The following OLFML2B variants were observed in gnomAD, a reference collection of about 807,000 sequenced individuals.
OLFML2B encodes the protein olfactomedin like 2B, also known as olfactomedin-like protein 2B.
A neutral mutation model predicts 74.9 loss-of-function variants in OLFML2B; 57 were observed. The observed-to-expected ratio is 0.76, with a 90% CI of 0.61 to 0.95. The LOEUF is 0.95. Among genes scored for constraint, OLFML2B ranks in the 40% least tolerant of loss-of-function variants. OLFML2B has a pLI of 0.00. For synonymous variants in OLFML2B, 388 were observed against 405.8 expected, an observed-to-expected ratio of 0.96 and a Z score of 0.53; for missense variants, 986 against 970.6, an observed-to-expected ratio of 1.02 and a Z score of -0.21.
At chr1:162,011,298 G>A (rs1426539297) in intron 3 of OLFML2B, among the ~76,000 whole-genome samples, 1 of 152,196 alleles carries the variant, frequency 6.6e-6, no homozygotes, top group Non-Finnish European at 1.5e-5. Flanking sequence ...AAGCCCAAGG[G>A]CAGATGGGAC....
intron 3 of OLFML2B, among the ~76,000 whole-genome samples, chr1:162,012,520 C>T (rs972699185): frequency 1.1e-4 from 17 of 152,152 alleles, no homozygotes; most frequent in African/African-American, 3.6e-4. Context: ...AAATCTTCCT[C>T]GGAGGCAACA....
At chr1:162,007,503 T>C (rs1690268076) in intron 3 of OLFML2B, among the ~76,000 whole-genome samples, 1 of 152,248 alleles carries the variant, frequency 6.6e-6, no homozygotes, top group Non-Finnish European at 1.5e-5. Context: ...AAAGTTTCCA[T>C]GAGCATCTAC....
At chr1:162,010,893 T>G (rs1461481917) in intron 3 of OLFML2B, among the ~76,000 whole-genome samples, 1 of 152,028 alleles carries the variant, frequency 6.6e-6, no homozygotes, top group Non-Finnish European at 1.5e-5. Flanking sequence ...TCACCCAAGC[T>G]TGGCACAGAG....
chr1:161,985,615 T>C (rs1263927054), intron 6 of OLFML2B, among the ~76,000 whole-genome samples: 1 of 152,212 alleles, frequency 6.6e-6, no homozygotes, highest in Non-Finnish European at 1.5e-5. Flanking sequence ...CTCTGCCAGC[T>C]GCTGAGCTGC....
intron 1 of OLFML2B, among the ~76,000 whole-genome samples, chr1:162,020,940 G>C (rs1038241483): frequency 6.6e-6 from 1 of 152,212 alleles, no homozygotes; most frequent in African/African-American, 2.4e-5. Flanking sequence ...GCCTACTAAG[G>C]ACTGTGAGGT....
chr1:162,023,239 T>C lies in OLFML2B; in HGVS notation c.174+18A>G. The C allele has an allele frequency of 6.7e-7, 1 of 1,487,784 alleles. No individual in the cohort carries two copies. Among genetic ancestry groups the C allele is most frequent in the Non-Finnish European group, 9.0e-7 (1 of 1,107,108 alleles). 92.2% of individuals were successfully genotyped at this position (1,487,784 alleles called of 1,614,324 possible). On this transcript the variant is annotated intron_variant, in intron 1 of 7. Coordinates refer to ENST00000294794, the MANE Select transcript of OLFML2B (RefSeq NM_015441.3). ...CCATCCAGGGCAAGAAGGGCGGTCG[T>C]GGCACTCTGCATCCTACCTGAGATA...
intron 4 of OLFML2B, among the ~76,000 whole-genome samples, chr1:162,004,744 C>T (rs933710998): frequency 3.3e-5 from 5 of 152,332 alleles, no homozygotes; most frequent in Admixed American, 3.3e-4. Context: ...AGCAATGCTT[C>T]CCAAAAGTTC....
chr1:162,017,953 TG>T (rs1328324884), intron 2 of OLFML2B, among the ~76,000 whole-genome samples: 1 of 152,016 alleles, frequency 6.6e-6, no homozygotes, highest in Admixed American at 6.6e-5. Context: ...TATGCAGCCA[TG>T]AAAAAAATGA....
chr1:161,989,611 T>A (rs2262611), intron 6 of OLFML2B, among the ~76,000 whole-genome samples: 121,280 of 151,604 alleles, frequency 0.8, 48,869 homozygotes, highest in Non-Finnish European at 0.85. Flanking sequence ...ACCCTTGCTT[T>A]GAAGGGCTGC....
intron 3 of OLFML2B, among the ~76,000 whole-genome samples, chr1:162,016,803 C>A (rs1033661856): frequency 5.9e-5 from 9 of 152,192 alleles, no homozygotes; most frequent in African/African-American, 2.2e-4. Context: ...AAAACCACAG[C>A]ACCACCTGTA....
At chr1:161,997,731 C>A in intron 6 of OLFML2B, 94 bp downstream of exon 6, 3 of 1,354,318 alleles carry the variant, frequency 2.2e-6, no homozygotes, top group Non-Finnish European at 3.0e-6. Context: ...AGAACTTTGA[C>A]CATCTGGTGC....
intron 3 of OLFML2B, 149 bp from the exon 4 acceptor site, chr1:162,006,622 G>A (rs1321380415): frequency 8.4e-6 from 5 of 595,386 alleles, no homozygotes; most frequent in East Asian, 3.1e-5. Context: ...AGTGTGCCCA[G>A]CCCTGGGCTG....
In OLFML2B at chr1:161,984,367, T is replaced by A. The variant is rs551007606; in HGVS notation, c.1652-91A>T. 19 of 1,481,086 alleles carry A rather than the reference T, an allele frequency of 1.3e-5. No individual in the cohort carries two copies. The East Asian group carries it at 4.2e-4, about 32-fold the overall frequency. 91.7% of individuals were successfully genotyped at this position (1,481,086 alleles called of 1,614,324 possible). A position where few individuals can be genotyped will look rare whatever the true frequency, so the allele number is the denominator to read the frequency against. ...TAAGTGAGTGATGATCAACGAGGGG[T>A]CTGGAAACCCAGGTTTGTGTCTTGG... is the stretch of plus-strand genomic sequence containing the variant. On this transcript the variant is annotated intron_variant, in intron 7 of 7. Transcript: ENST00000294794.
At chr1:162,005,650 G>A (rs572705078) in intron 4 of OLFML2B, among the ~76,000 whole-genome samples, 3 of 152,298 alleles carry the variant, frequency 2.0e-5, no homozygotes, top group African/African-American at 7.2e-5. Context: ...CCAGTGATTT[G>A]GGAGGCTGAC....
Position 162,006,393 on chromosome 1 carries a change from T to G in OLFML2B, c.627A>C (p.Arg209=). 6.2e-7 allele frequency: 1 copy of G among 1,613,098 alleles called. No individual in the cohort carries two copies. The highest frequency in any genetic ancestry group is 8.5e-7 in the Non-Finnish European group (1 of 1,179,760). The change falls in exon 4 of 8, where the codon CGA becomes CGC. Residue 209 remains arginine (R), a synonymous_variant. Transcript: ENST00000294794. ...TGTTTTCAGAGCAATTTTCTTTGCC[T>G]CGCTTATTCATCTCGGTTCGAATTT... is the stretch of plus-strand genomic sequence containing the variant. ...MEEIRTEMNK[R]GKENCSENIL...
intron 4 of OLFML2B, among the ~76,000 whole-genome samples, chr1:162,004,980 G>A (rs1690180132): frequency 6.6e-6 from 1 of 152,212 alleles, no homozygotes. Context: ...TCCCCTGGCT[G>A]CCCAGTGACC....
chr1:161,983,892 A>G lies in OLFML2B; in HGVS notation c.2036T>C (p.Ile679Thr), dbSNP rs548985235. ...RRNFYGNCFVICGVLYAVDSY... is the reference protein window; with the variant it reads ...RRNFYGNCFVTCGVLYAVDSY... ...ATCCACGGCATACAGCACCCCACAG[A>G]TGACGAAGCAGTTGCCGTAGAAATT... Residue 679 changes from isoleucine (I) to threonine (T), a missense_variant, in exon 8 of 8, where the codon ATC becomes ACC. By Grantham distance (89) the Ile-to-Thr change is moderately conservative. Coordinates refer to ENST00000294794, the MANE Select transcript of OLFML2B (RefSeq NM_015441.3). 3.1e-6 allele frequency: 5 copies of G among 1,614,092 alleles called. No individual in the cohort carries two copies. The African/African-American group carries it at 5.3e-5, about 17-fold the overall frequency.
chr1:162,010,890 A>C (rs544583678), intron 3 of OLFML2B, among the ~76,000 whole-genome samples: 1 of 152,232 alleles, frequency 6.6e-6, no homozygotes, highest in East Asian at 1.9e-4. Flanking sequence ...ACCTCACCCA[A>C]GCTTGGCACA....
intron 4 of OLFML2B, among the ~76,000 whole-genome samples, chr1:162,005,711 A>C (rs763198567): frequency 6.6e-6 from 1 of 152,102 alleles, no homozygotes; most frequent in Non-Finnish European, 1.5e-5. Context: ...CATTTACAGA[A>C]AATACATAAC....
Sources: gnomAD v4.1 joint callset for allele counts (sites outside exome capture counted in the v4.1 genomes callset) on GRCh38, gnomAD v4.1.1 for gene constraint, MANE v1.5 for transcripts, NCBI Gene and HGNC (gene_info 2026-07-23, HGNC 2026-07-21) for gene names.